WIPF3: variants seen among roughly 807,000 people sequenced by gnomAD.
WIPF3 encodes WAS/WASL interacting protein family member 3, also known as WAS/WASL-interacting protein family member 3.
WIPF3 carries 33 observed loss-of-function variants against 38.9 expected under a neutral mutation model. That is an observed-to-expected ratio of 0.85 (90% CI 0.64 to 1.14). The LOEUF is 1.14. Among genes scored for constraint, WIPF3 ranks in the 50% most tolerant of loss-of-function variants. WIPF3 has a pLI of 0.00. For synonymous variants in WIPF3, 324 were observed against 269.3 expected (o/e 1.20, Z -1.99); for missense variants, 711 against 652.5 (o/e 1.09, Z -0.98).
chr7:29,816,293 G>A (rs893148632), intron 1 of WIPF3, among the ~76,000 whole-genome samples: 9 of 151,774 alleles, frequency 5.9e-5, no homozygotes, highest in East Asian at 5.8e-4. Flanking sequence ...AGGCATACTC[G>A]TTCTTTTATT....
intron 2 of WIPF3, among the ~76,000 whole-genome samples, chr7:29,858,920 A>G (rs1270294532): frequency 1.3e-5 from 2 of 152,158 alleles, no homozygotes; most frequent in East Asian, 3.8e-4. Flanking sequence ...TGAAGAACCT[A>G]TTTTATTTTA....
At chr7:29,822,616 A>G (rs1264506250) in intron 1 of WIPF3, among the ~76,000 whole-genome samples, 1 of 152,152 alleles carries the variant, frequency 6.6e-6, no homozygotes, top group African/African-American at 2.4e-5. Flanking sequence ...AGTGTTTCCC[A>G]CTTTGGAGAG....
intron 8 of WIPF3, 33 bp from the exon 9 acceptor site, chr7:29,914,460 T>G (rs1172750348): frequency 6.8e-7 from 1 of 1,480,386 alleles, no homozygotes; most frequent in South Asian, 1.4e-5. Context: ...GTCTTCTAAC[T>G]CCACCTGGTA....
chr7:29,889,446 C>A, intron 7 of WIPF3, 39 bp downstream of exon 7: 2 of 1,540,978 alleles, frequency 1.3e-6, no homozygotes, highest in Non-Finnish European at 1.8e-6. Flanking sequence ...CATCTCCCGA[C>A]CCTTCAAAAT....
intron 7 of WIPF3, among the ~76,000 whole-genome samples, chr7:29,891,385 C>T (rs1786018744): frequency 6.6e-6 from 1 of 152,226 alleles, no homozygotes; most frequent in South Asian, 2.1e-4. Flanking sequence ...GCCTTGTGCT[C>T]AGGTGGATGT....
chr7:29,888,777 C>T (rs536874089), intron 6 of WIPF3, among the ~76,000 whole-genome samples: 1 of 152,256 alleles, frequency 6.6e-6, no homozygotes, highest in African/African-American at 2.4e-5. Flanking sequence ...CCACAGGAGC[C>T]CTCCCCTCCT....
chr7:29,833,937 G>C (rs964666030), intron 1 of WIPF3, among the ~76,000 whole-genome samples: 2 of 152,122 alleles, frequency 1.3e-5, no homozygotes, highest in African/African-American at 4.8e-5. Context: ...ACACATACAG[G>C]CTCCACACAT....
rs567596780 is a variant in WIPF3 at position 29,817,436 on chromosome 7, T to A, written c.-58+10758T>A. ...AAAGGTCTTTCTGACTTGTAGATTT[T>A]AAAAATTCTCTCATATTTTTAGTAT... On this transcript the variant is annotated intron_variant, in intron 1 of 8. Transcript: ENST00000242140. Among the ~76,000 whole-genome samples the A allele has an allele frequency of 4.6e-5, 7 of 152,222 alleles. No homozygotes were observed. The East Asian group carries it at 1.3e-3, about 29-fold the overall frequency.
chr7:29,819,615 T>G (rs1784506896), intron 1 of WIPF3, among the ~76,000 whole-genome samples: 1 of 152,110 alleles, frequency 6.6e-6, no homozygotes, highest in Non-Finnish European at 1.5e-5. Flanking sequence ...CTTGAGAGTT[T>G]TTTATTCCTT....
At chr7:29,858,861 T>C (rs149418898) in intron 2 of WIPF3, among the ~76,000 whole-genome samples, 284 of 152,318 alleles carry the variant, frequency 1.9e-3, no homozygotes, top group Middle Eastern at 3.4e-3. Flanking sequence ...GTGATTCTCA[T>C]GACAAAAATA....
rs1396606052 is a variant in WIPF3, at chr7:29,915,458, A to G, written c.*942A>G. On this transcript the variant is annotated 3_prime_UTR_variant, in exon 9 of 9. Transcript: ENST00000242140. ...ATATGACATGAAAAAGTGTAGAACG[A>G]AACATCGTGTGAAATACCTGCCACA... is the stretch of plus-strand genomic sequence containing the variant. 1 of 152,120 alleles carries G rather than the reference A, an allele frequency of 6.6e-6. No individual in the cohort carries two copies. The highest frequency in any genetic ancestry group is 1.5e-5 in the Non-Finnish European group (1 of 68,018). 9.4% of individuals were successfully genotyped at this position (152,120 alleles called of 1,614,324 possible). A position where few individuals can be genotyped will look rare whatever the true frequency, so the allele number is the denominator to read the frequency against.
chr7:29,845,094 T>A (rs1279957852), intron 2 of WIPF3, among the ~76,000 whole-genome samples: 1 of 148,838 alleles, frequency 6.7e-6, no homozygotes, highest in Non-Finnish European at 1.5e-5. Context: ...CTTCCACCCT[T>A]CTAATAGGAA....
chr7:29,817,669 C>T (rs888896154), intron 1 of WIPF3, among the ~76,000 whole-genome samples: 1 of 152,016 alleles, frequency 6.6e-6, no homozygotes. Flanking sequence ...TCCAAAAATA[C>T]CTAGGTCAAT....
At chr7:29,867,916 T>G (rs1785419979) in intron 2 of WIPF3, among the ~76,000 whole-genome samples, 1 of 152,130 alleles carries the variant, frequency 6.6e-6, no homozygotes. Flanking sequence ...GTCAACAAAA[T>G]ACTGATAGGT....
chr7:29,854,768 T>A (rs1785161749), intron 2 of WIPF3, among the ~76,000 whole-genome samples: 1 of 152,176 alleles, frequency 6.6e-6, no homozygotes, highest in Admixed American at 6.5e-5. Context: ...AATGTCGAAA[T>A]CCTAACCCCC....
At chr7:29,908,759 A>G (rs1027426707) in intron 8 of WIPF3, among the ~76,000 whole-genome samples, 11 of 152,068 alleles carry the variant, frequency 7.2e-5, no homozygotes, top group African/African-American at 2.6e-4. Context: ...AATACAAAAA[A>G]TACCCGGGCA....
intron 1 of WIPF3, among the ~76,000 whole-genome samples, chr7:29,831,933 G>C (rs796494856): frequency 1.4e-4 from 21 of 152,302 alleles, no homozygotes; most frequent in African/African-American, 4.8e-4. Flanking sequence ...CATGTGCTGA[G>C]GGATTACAGG....
At chr7:29,899,613 T>C (rs1463485970) in intron 7 of WIPF3, among the ~76,000 whole-genome samples, 1 of 152,148 alleles carries the variant, frequency 6.6e-6, no homozygotes, top group Non-Finnish European at 1.5e-5. Flanking sequence ...AATAAAACAA[T>C]TTGGAAATAG....
chr7:29,912,480 T>C (rs1378850026), intron 8 of WIPF3: 2 of 180,550 alleles, frequency 1.1e-5, no homozygotes, highest in African/African-American at 2.3e-5. Flanking sequence ...TGTACACCCA[T>C]GTTCATAGCA....
Sources: gnomAD v4.1 joint callset for allele counts (sites outside exome capture counted in the v4.1 genomes callset) on GRCh38, gnomAD v4.1.1 for gene constraint, MANE v1.5 for transcripts, NCBI Gene and HGNC (gene_info 2026-07-23, HGNC 2026-07-21) for gene names.